Variants in RASGRF1 observed in about 807,000 individuals in gnomAD.
RASGRF1 encodes the protein Ras protein specific guanine nucleotide releasing factor 1, also known as ras-specific guanine nucleotide-releasing factor 1.
A neutral mutation model predicts 138.7 loss-of-function variants in RASGRF1; 40 were observed. The ratio of observed to expected loss-of-function variants is 0.29; its 90% CI spans 0.22 to 0.38. RASGRF1 has a LOEUF of 0.38. Among genes scored for constraint, RASGRF1 ranks in the 10% least tolerant of loss-of-function variants. The pLI is 1.00. For synonymous variants in RASGRF1, 614 were observed against 663.2 expected, an observed-to-expected ratio of 0.93 and a Z score of 1.14; for missense variants, 1,108 against 1,650.4, an observed-to-expected ratio of 0.67 and a Z score of 5.69.
chr15:79,084,497 C>A (rs1033387226), intron 1 of RASGRF1, among the ~76,000 whole-genome samples: 1 of 152,246 alleles, frequency 6.6e-6, no homozygotes, highest in East Asian at 1.9e-4. Flanking sequence ...CTGCGGTGCA[C>A]CTGGCAGCCA....
chr15:79,066,577 C>A (rs1221452985), intron 1 of RASGRF1, among the ~76,000 whole-genome samples: 2 of 152,226 alleles, frequency 1.3e-5, no homozygotes. Flanking sequence ...CCTACTGGGT[C>A]ACCAGGGGAC....
At chr15:79,072,375 A>T (rs1341839986) in intron 1 of RASGRF1, among the ~76,000 whole-genome samples, 2 of 137,420 alleles carry the variant, frequency 1.5e-5, no homozygotes, top group African/African-American at 5.3e-5. Flanking sequence ...TCCCGGGTTC[A>T]TGCCATTCTC....
At position 78,999,931 on chromosome 15, in the gene RASGRF1, C is replaced by T. The variant is rs1347153771; in HGVS notation, c.2576-18G>A. ...TGGGAACTCTGCAGAGAGGAGGGAA[C>T]CAACCCTCAGCTGTCCCCAGTCCCA... On this transcript the variant is annotated intron_variant, in intron 16 of 26. Transcript: ENST00000558480. 1 of 1,611,328 alleles carries T rather than the reference C, an allele frequency of 6.2e-7. No homozygotes were observed.
chr15:79,031,338 T>A, intron 8 of RASGRF1, 62 bp downstream of exon 8: 1 of 1,307,726 alleles, frequency 7.6e-7, no homozygotes, highest in Non-Finnish European at 1.1e-6. Context: ...GAACTCCTGG[T>A]GAGGGGCACC....
intron 24 of RASGRF1, among the ~76,000 whole-genome samples, chr15:78,974,838 A>G (rs140273796): frequency 3.3e-5 from 5 of 152,332 alleles, no homozygotes; most frequent in Non-Finnish European, 5.9e-5. Context: ...GCATTCTTGT[A>G]TTTACAGCAA....
At chr15:79,022,673 C>G (rs1595911494) in intron 10 of RASGRF1, among the ~76,000 whole-genome samples, 1 of 152,296 alleles carries the variant, frequency 6.6e-6, no homozygotes, top group South Asian at 2.1e-4. Flanking sequence ...TGAAAGCGTT[C>G]CTTGACACAT....
Position 79,050,467 on chromosome 15 carries a change from AG to A in RASGRF1, c.532-880del, listed in dbSNP as rs1444471448. On this transcript the variant is annotated intron_variant, in intron 3 of 26. Transcript: ENST00000558480. The surrounding 1 kb of genome is among the most constrained non-coding windows in gnomAD (Gnocchi z 4.1). ...TATCTGGATATAAATCAGATAGAGC[AG>A]GTGGCTCCGGGTGAAGTCCTGCTGG... is the stretch of plus-strand genomic sequence containing the variant. 5.3e-5 allele frequency among the ~76,000 whole-genome samples: 8 copies of A among 152,248 alleles called. No homozygotes were observed. The highest frequency in any genetic ancestry group is 2.6e-4 in the Admixed American group (4 of 15,286).
In RASGRF1 at chr15:79,040,311, CT is replaced by C. The variant is rs534696158; in HGVS notation, c.879-5102del. 3.1e-3 allele frequency among the ~76,000 whole-genome samples: 478 copies of C among 152,288 alleles called. 2 individuals are homozygous for C. The highest frequency in any genetic ancestry group is 3.7e-3 in the Non-Finnish European group (251 of 68,026). On this transcript the variant is annotated intron_variant, in intron 5 of 26. Transcript: ENST00000558480. ...CTTCTGTCTGTTGCATCTGCCACCC[CT>C]GTCACCTCTGCCTAGACTGTTGTCA... is the stretch of plus-strand genomic sequence containing the variant.
chr15:78,979,037 G>A (rs774787829), intron 24 of RASGRF1: 7 of 1,292,788 alleles, frequency 5.4e-6, no homozygotes, highest in African/African-American at 1.5e-5. Context: ...GGCAGACGAG[G>A]AAGCCAGCCA....
At chr15:78,991,604 G>T in intron 21 of RASGRF1, 87 bp downstream of exon 21, 1 of 1,099,822 alleles carries the variant, frequency 9.1e-7, no homozygotes, top group Non-Finnish European at 1.4e-6. Flanking sequence ...GTGCAGCTCT[G>T]GAAATTCACT....
intron 1 of RASGRF1, among the ~76,000 whole-genome samples, chr15:79,068,503 ACG>A (rs1313889181): frequency 3.9e-4 from 55 of 141,262 alleles, no homozygotes; most frequent in Admixed American, 3.3e-3. Flanking sequence ...ACACACACAC[ACG>A]TATATTTATA....
At chr15:79,003,153 A>C (rs1167589913) in intron 15 of RASGRF1, among the ~76,000 whole-genome samples, 1 of 152,220 alleles carries the variant, frequency 6.6e-6, no homozygotes, top group Non-Finnish European at 1.5e-5. Flanking sequence ...CTGTCCCCGA[A>C]ACACACAAGG....
intron 8 of RASGRF1, among the ~76,000 whole-genome samples, chr15:79,029,806 G>A (rs1209686669): frequency 6.6e-6 from 1 of 152,118 alleles, no homozygotes; most frequent in Non-Finnish European, 1.5e-5. Flanking sequence ...GGTACAGGCA[G>A]TTGGGTGGGA....
intron 11 of RASGRF1, 128 bp downstream of exon 11, chr15:79,019,913 A>C: frequency 5.5e-6 from 6 of 1,099,448 alleles, no homozygotes; most frequent in Non-Finnish European, 8.0e-6. Flanking sequence ...GCATGTGTGG[A>C]CCTCCCCTCC....
At chr15:79,007,714 G>C (rs145289417) in intron 13 of RASGRF1, among the ~76,000 whole-genome samples, 2 of 151,346 alleles carry the variant, frequency 1.3e-5, no homozygotes, top group East Asian at 1.9e-4. Context: ...ACTATGCCTC[G>C]CTAATTTTTG....
Position 78,960,976 on chromosome 15 carries a change from A to T in RASGRF1, c.*1168T>A, listed in dbSNP as rs550993194. 1.3e-4 allele frequency: 20 copies of T among 152,326 alleles called. No homozygotes were observed. The highest frequency in any genetic ancestry group is 2.1e-4 in the South Asian group (1 of 4,822). The allele number at this position is 152,326 out of a possible 1,614,324, so 9.4% of individuals were successfully genotyped here. The stretch of plus-strand genomic sequence containing the variant: ...AACATATATTTTTACAAAAATGGAA[A>T]TTTTTTTCCAAACAAGCTGTAAGTT... On this transcript the variant is annotated 3_prime_UTR_variant, in exon 27 of 27. Transcript: ENST00000558480.
chr15:79,077,388 C>T (rs535978224), intron 1 of RASGRF1, among the ~76,000 whole-genome samples: 9 of 152,296 alleles, frequency 5.9e-5, no homozygotes, highest in South Asian at 2.1e-4. Context: ...GGGAGCTCCT[C>T]GTTCATGAAA....
chr15:79,089,364 C>G (rs1023882431), intron 1 of RASGRF1, among the ~76,000 whole-genome samples: 2 of 152,234 alleles, frequency 1.3e-5, no homozygotes, highest in Non-Finnish European at 2.9e-5. Context: ...TCTGCAGGTG[C>G]CCCTCCTCCC....
intron 24 of RASGRF1, chr15:78,979,448 G>A (rs993456437): frequency 1.4e-5 from 3 of 209,446 alleles, no homozygotes; most frequent in African/African-American, 2.3e-5. Context: ...ACCAGGAAGC[G>A]GGGAGAGGCT....
Sources: allele counts gnomAD v4.1 joint callset (sites outside exome capture counted in the v4.1 genomes callset), GRCh38; gene constraint gnomAD v4.1.1; non-coding constraint Gnocchi (gnomAD v3.1); transcripts MANE v1.5; gene names NCBI Gene and HGNC (gene_info 2026-07-23, HGNC 2026-07-21).